Variants in LUZP2 observed in about 807,000 individuals in gnomAD.
LUZP2 encodes the protein leucine zipper protein 2.
A neutral mutation model predicts 51.6 loss-of-function variants in LUZP2; 52 were observed. The observed-to-expected ratio is 1.01, with a 90% CI of 0.81 to 1.27. The LOEUF (loss-of-function observed/expected upper bound fraction) is 1.27. Among genes scored for constraint, LUZP2 ranks in the 50% most tolerant of loss-of-function variants. The pLI, the probability that LUZP2 is intolerant of heterozygous loss-of-function variation, is 0.00. For missense variants in LUZP2, 436 were observed against 395.4 expected, an observed-to-expected ratio of 1.10 and a Z score of -0.87; for synonymous variants, 154 against 137.3, an observed-to-expected ratio of 1.12 and a Z score of -0.85.
intron 5 of LUZP2, among the ~76,000 whole-genome samples, chr11:24,789,330 G>T (rs1023183100): frequency 2.0e-5 from 3 of 152,128 alleles, no homozygotes; most frequent in African/African-American, 7.2e-5. Context: ...TTCTCTCAAG[G>T]TGTGTCTCTT....
intron 5 of LUZP2, among the ~76,000 whole-genome samples, chr11:24,776,413 T>G (rs1848926867): frequency 6.6e-6 from 1 of 152,162 alleles, no homozygotes; most frequent in Non-Finnish European, 1.5e-5. Flanking sequence ...GCTCTTATGT[T>G]GGATGAAATT....
At chr11:24,622,392 C>T (rs1160811786) in intron 1 of LUZP2, among the ~76,000 whole-genome samples, 1 of 151,508 alleles carries the variant, frequency 6.6e-6, no homozygotes, top group Non-Finnish European at 1.5e-5. Context: ...GTTTTTTTGT[C>T]CTTGCAATCA....
intron 9 of LUZP2, among the ~76,000 whole-genome samples, chr11:25,046,822 C>G (rs1590873330): frequency 6.6e-6 from 1 of 151,958 alleles, no homozygotes; most frequent in Non-Finnish European, 1.5e-5. Context: ...TAGATACAAA[C>G]CATATATAGC....
chr11:24,768,090 T>C (rs1171849148), intron 5 of LUZP2, among the ~76,000 whole-genome samples: 1 of 152,094 alleles, frequency 6.6e-6, no homozygotes, highest in Non-Finnish European at 1.5e-5. Flanking sequence ...TAGGAAATAT[T>C]AGGCAAATCA....
chr11:24,891,352 G>GTACATA (rs1411362975), intron 5 of LUZP2: 1 of 917,662 alleles, frequency 1.1e-6, no homozygotes, highest in Admixed American at 6.2e-5. Flanking sequence ...ATACTGACAT[G>GTACATA]TACATATACA....
intron 1 of LUZP2, among the ~76,000 whole-genome samples, chr11:24,644,205 T>C (rs1478000625): frequency 1.3e-5 from 2 of 152,156 alleles, no homozygotes; most frequent in African/African-American, 4.8e-5. Context: ...ACTCTCATTA[T>C]CCTGTTTGGA....
At chr11:25,042,346 T>C (rs1858094019) in intron 9 of LUZP2, among the ~76,000 whole-genome samples, 1 of 152,180 alleles carries the variant, frequency 6.6e-6, no homozygotes, top group Admixed American at 6.6e-5. Flanking sequence ...ATTGAAGTTT[T>C]CATAACGTTT....
chr11:25,044,253 G>GTCTA (rs1446874239), intron 9 of LUZP2, among the ~76,000 whole-genome samples: 1 of 31,822 alleles, frequency 3.1e-5, no homozygotes, highest in Non-Finnish European at 6.5e-5. Flanking sequence ...GTGTGTGTGT[G>GTCTA]TGTGTATATA....
chr11:24,981,702 G>A (rs1489281319), intron 8 of LUZP2, among the ~76,000 whole-genome samples: 2 of 151,806 alleles, frequency 1.3e-5, no homozygotes, highest in African/African-American at 4.8e-5. Context: ...TGGGGAAATC[G>A]AGTAGAGATA....
At chr11:24,931,264 TAAAATAAAAA>T (rs1246876969) in intron 7 of LUZP2, among the ~76,000 whole-genome samples, 6 of 147,558 alleles carry the variant, frequency 4.1e-5, no homozygotes, top group African/African-American at 1.3e-4. Context: ...TAAAATAAAA[TAAAATAAAAA>T]GTTCTTTTTT....
chr11:24,511,353 A>G (rs964059316), intron 1 of LUZP2, among the ~76,000 whole-genome samples: 5 of 152,122 alleles, frequency 3.3e-5, no homozygotes, highest in African/African-American at 1.2e-4. Flanking sequence ...ATACATGACA[A>G]TTTATGGTGA....
At chr11:24,830,942 C>T (rs1479963228) in intron 5 of LUZP2, among the ~76,000 whole-genome samples, 1 of 151,674 alleles carries the variant, frequency 6.6e-6, no homozygotes, top group East Asian at 1.9e-4. Flanking sequence ...TGCAGTAAGC[C>T]GAGATCCTGC....
chr11:24,602,321 C>CATACATATAG (rs1853754753), intron 1 of LUZP2, among the ~76,000 whole-genome samples: 1 of 91,832 alleles, frequency 1.1e-5, no homozygotes, highest in Non-Finnish European at 2.3e-5. Flanking sequence ...CACATATATA[C>CATACATATAG]ACACACATAT....
intron 5 of LUZP2, among the ~76,000 whole-genome samples, chr11:24,789,158 GACA>G (rs1849335316): frequency 6.6e-6 from 1 of 152,104 alleles, no homozygotes; most frequent in Non-Finnish European, 1.5e-5. Flanking sequence ...ACGCTCTATG[GACA>G]ACATCAATTT....
intron 7 of LUZP2, among the ~76,000 whole-genome samples, chr11:24,962,465 T>C (rs1855442586): frequency 6.6e-6 from 1 of 152,182 alleles, no homozygotes; most frequent in Non-Finnish European, 1.5e-5. Context: ...TGTTCATTTC[T>C]TTTTATTCTT....
intron 1 of LUZP2, among the ~76,000 whole-genome samples, chr11:24,595,724 T>G (rs181026328): frequency 6.6e-6 from 1 of 152,190 alleles, no homozygotes; most frequent in Non-Finnish European, 1.5e-5. Flanking sequence ...GCAGAGATGA[T>G]GCAGGACTGT....
At chr11:24,785,313 G>A (rs779825830) in intron 5 of LUZP2, among the ~76,000 whole-genome samples, 1 of 152,002 alleles carries the variant, frequency 6.6e-6, no homozygotes, top group Non-Finnish European at 1.5e-5. Context: ...AGGAGAGGAG[G>A]AAAGAAGAAA....
chr11:24,850,824 G>T (rs1472751583), intron 5 of LUZP2, among the ~76,000 whole-genome samples: 1 of 152,292 alleles, frequency 6.6e-6, no homozygotes, highest in African/African-American at 2.4e-5. Context: ...TCTTCTGGAA[G>T]AGGTTCTTCA....
rs990015650 is a variant in LUZP2 at position 25,012,128 on chromosome 11, G to T, written c.765+28835G>T. Among the ~76,000 whole-genome samples, 3 of 152,190 alleles carry T rather than the reference G, an allele frequency of 2.0e-5. No homozygotes were observed. The South Asian group carries it at 6.2e-4, about 32-fold the overall frequency. ...TAGAATTAAGTCATTCTAATTAGCT[G>T]CCTTGAAGGGTAATCTGCTTTGCTG... On this transcript the variant is annotated intron_variant, in intron 9 of 11. Coordinates refer to ENST00000336930, the MANE Select transcript of LUZP2 (RefSeq NM_001009909.4).
Sources: allele counts gnomAD v4.1 joint callset (sites outside exome capture counted in the v4.1 genomes callset), GRCh38; gene constraint gnomAD v4.1.1; transcripts MANE v1.5; gene names NCBI Gene and HGNC (gene_info 2026-07-23, HGNC 2026-07-21).